SYT16: variants seen among roughly 807,000 people sequenced by gnomAD.
The protein encoded by SYT16 is synaptotagmin 16.
A neutral mutation model predicts 61.4 loss-of-function variants in SYT16; 42 were observed. That is an observed-to-expected ratio of 0.68 (90% CI 0.53 to 0.89). The LOEUF (loss-of-function observed/expected upper bound fraction) is 0.89. Ranked by LOEUF, SYT16 falls within the 40% of genes least tolerant of loss-of-function variation. SYT16 has a pLI of 0.00. For synonymous variants in SYT16, 314 were observed against 302.3 expected (o/e 1.04, Z -0.40); for missense variants, 804 against 807.3 (o/e 1.00, Z 0.05).
rs927142323 is a variant in SYT16 at position 62,015,455 on chromosome 14, G to A, written c.523+18913G>A. On this transcript the variant is annotated intron_variant, in intron 3 of 7. Coordinates refer to ENST00000683842, the MANE Select transcript of SYT16 (RefSeq NM_001367656.1). ...GTTCTTAACATTTTTGACAGTCTGTGTTTGCCTTATGAAGACATTTGCCTT... is the reference window on the plus strand; with the variant it reads ...GTTCTTAACATTTTTGACAGTCTGTATTTGCCTTATGAAGACATTTGCCTT... 2.0e-4 allele frequency among the ~76,000 whole-genome samples: 13 copies of A among 66,112 alleles called. 1 individual carries two copies. Among genetic ancestry groups the A allele is most frequent in the Non-Finnish European group, 3.3e-4 (11 of 33,746 alleles). 43.4% of individuals were successfully genotyped at this position (66,112 alleles called of 152,430 possible).
At chr14:62,075,604 T>TAAA (rs376818967) in intron 5 of SYT16, among the ~76,000 whole-genome samples, 12 of 61,382 alleles carry the variant, frequency 2.0e-4, no homozygotes, top group African/African-American at 4.4e-4. Context: ...GGATGAACGG[T>TAAA]AAAAAAAAAA....
rs1373892607 is a variant in SYT16, at chr14:61,995,963, A to G, written c.-57A>G. ...ATGCTTATTCTATAGTTCACATTCA[A>G]TCCAGAGCACTGAAGGAACTGAACA... is the stretch of plus-strand genomic sequence containing the variant. On this transcript the variant is annotated 5_prime_UTR_variant, in exon 3 of 8. Coordinates refer to ENST00000683842, the MANE Select transcript of SYT16 (RefSeq NM_001367656.1). 2.7e-6 allele frequency: 4 copies of G among 1,492,982 alleles called. No individual in the cohort carries two copies. Among genetic ancestry groups the G allele is most frequent in the South Asian group, 1.4e-5 (1 of 73,406 alleles). The allele number at this position is 1,492,982 out of a possible 1,614,324, so 92.5% of individuals were successfully genotyped here. A position where few individuals can be genotyped will look rare whatever the true frequency, so the allele number is the denominator to read the frequency against.
chr14:61,976,924 T>C (rs1279608236), intron 2 of SYT16, among the ~76,000 whole-genome samples: 1 of 152,206 alleles, frequency 6.6e-6, no homozygotes, highest in South Asian at 2.1e-4. Context: ...GCTCATGCTC[T>C]GCTTTCCTTT....
At chr14:61,989,596 T>C (rs1043439476) in intron 2 of SYT16, among the ~76,000 whole-genome samples, 3 of 151,980 alleles carry the variant, frequency 2.0e-5, no homozygotes, top group African/African-American at 7.3e-5. Flanking sequence ...AACAAAAAAT[T>C]GTCTAATTTG....
At position 61,953,684 on chromosome 14, in the gene SYT16, G is replaced by T. The variant is rs182005853; in HGVS notation, c.-324-16448G>T. Among the ~76,000 whole-genome samples, 188 of 152,304 alleles carry T rather than the reference G, an allele frequency of 1.2e-3. 2 individuals are homozygous for T. Among genetic ancestry groups the T allele is most frequent in the African/African-American group, 4.4e-3 (184 of 41,562 alleles). On this transcript the variant is annotated intron_variant, in intron 1 of 7. Coordinates refer to ENST00000683842, the MANE Select transcript of SYT16 (RefSeq NM_001367656.1). ...AACATCTCCTTGTTTTGCAAAAGCT[G>T]CTGATACCTAATGCTATACCTTTGA...
intron 1 of SYT16, among the ~76,000 whole-genome samples, chr14:61,872,053 T>C (rs2047348039): frequency 6.6e-6 from 1 of 152,188 alleles, no homozygotes; most frequent in South Asian, 2.1e-4. Context: ...AAATATGAAG[T>C]ATTCAATAAA....
At position 61,812,740 on chromosome 14, in the gene SYT16, G is replaced by A. The variant is rs1282242472; in HGVS notation, c.-395G>A. ...CCTGCCGAGGAGCGCGCGCCCGGCC[G>A]GGCTCGGCGCCGGTTTCCCGAACCT... On this transcript the variant is annotated 5_prime_UTR_variant, in exon 1 of 8. Coordinates refer to ENST00000683842, the MANE Select transcript of SYT16 (RefSeq NM_001367656.1). 5 of 149,880 alleles carry A rather than the reference G, an allele frequency of 3.3e-5. No homozygotes were observed. Among genetic ancestry groups the A allele is most frequent in the Admixed American group, 2.7e-4 (4 of 15,038 alleles). The allele number at this position is 149,880 out of a possible 1,614,324, so 9.3% of individuals were successfully genotyped here. A position where few individuals can be genotyped will look rare whatever the true frequency, so the allele number is the denominator to read the frequency against.
Position 62,069,773 on chromosome 14 carries a change from T to G in SYT16, c.694T>G (p.Leu232Val), listed in dbSNP as rs1473704922. The change falls in exon 4 of 8, where the codon TTG becomes GTG. Residue 232 changes from leucine (L) to valine (V), a missense_variant. Coordinates refer to ENST00000683842, the MANE Select transcript of SYT16 (RefSeq NM_001367656.1). ...EQKPKFSRSL[L>V]THGEDGTEVS... ...GAAACCAAAATTCAGCCGTTCGTTGTTGACACACGGAGAAGATGGCACAGA... is the reference window on the plus strand; with the variant it reads ...GAAACCAAAATTCAGCCGTTCGTTGGTGACACACGGAGAAGATGGCACAGA... 1 of 1,613,910 alleles carries G rather than the reference T, an allele frequency of 6.2e-7. No individual in the cohort carries two copies. The highest frequency in any genetic ancestry group is 8.5e-7 in the Non-Finnish European group (1 of 1,179,888).
chr14:62,100,787 G>T lies in SYT16; in HGVS notation c.*80G>T. On this transcript the variant is annotated 3_prime_UTR_variant, in exon 8 of 8. Transcript: ENST00000683842. Reference sequence around the variant, plus strand: ...CTACTGACACTAAGTGTCCTGGCAAGGGTTTCAGGGTTTCAAAAACAGATT... The same window carrying T: ...CTACTGACACTAAGTGTCCTGGCAATGGTTTCAGGGTTTCAAAAACAGATT... 7.0e-7 allele frequency: 1 copy of T among 1,418,792 alleles called. No homozygotes were observed. The allele number at this position is 1,418,792 out of a possible 1,614,324, so 87.9% of individuals were successfully genotyped here. A position where few individuals can be genotyped will look rare whatever the true frequency, so the allele number is the denominator to read the frequency against.
intron 1 of SYT16, among the ~76,000 whole-genome samples, chr14:61,902,551 G>T (rs187978872): frequency 6.6e-6 from 1 of 152,286 alleles, no homozygotes. Context: ...TAAAGCAATA[G>T]CAATTTATTT....
At chr14:61,945,428 A>G (rs1421126850) in intron 1 of SYT16, among the ~76,000 whole-genome samples, 1 of 152,250 alleles carries the variant, frequency 6.6e-6, no homozygotes, top group Non-Finnish European at 1.5e-5. Context: ...ATAAAGACAC[A>G]TGCATACATA....
intron 1 of SYT16, among the ~76,000 whole-genome samples, chr14:61,925,375 A>C (rs533732405): frequency 6.6e-6 from 1 of 152,194 alleles, no homozygotes; most frequent in African/African-American, 2.4e-5. Context: ...CTGTAGAGGA[A>C]AATCTTGGCA....
intron 1 of SYT16, among the ~76,000 whole-genome samples, chr14:61,938,995 C>T (rs917115061): frequency 1.3e-5 from 2 of 152,084 alleles, no homozygotes; most frequent in African/African-American, 2.4e-5. Context: ...ATTAGCTGGG[C>T]ATGGTGGCGG....
intron 4 of SYT16, among the ~76,000 whole-genome samples, chr14:62,074,437 G>GTT (rs2056409781): frequency 6.6e-6 from 1 of 152,174 alleles, no homozygotes; most frequent in Non-Finnish European, 1.5e-5. Context: ...GGAAAATGGG[G>GTT]TTGGATGGGT....
intron 3 of SYT16, among the ~76,000 whole-genome samples, chr14:62,041,947 CTG>C (rs2054748706): frequency 6.6e-6 from 1 of 152,112 alleles, no homozygotes; most frequent in African/African-American, 2.4e-5. Flanking sequence ...GTATATTTTA[CTG>C]TGTTTAATTT....
chr14:61,912,335 C>G (rs908840015), intron 1 of SYT16, among the ~76,000 whole-genome samples: 1 of 152,206 alleles, frequency 6.6e-6, no homozygotes, highest in Admixed American at 6.5e-5. Flanking sequence ...TTGCTTACTG[C>G]TGTCACTCTG....
intron 1 of SYT16, among the ~76,000 whole-genome samples, chr14:61,819,436 T>A (rs555425246): frequency 5.3e-5 from 8 of 152,196 alleles, no homozygotes; most frequent in Non-Finnish European, 1.0e-4. Context: ...ATTATACATA[T>A]CTGATTTTAG....
At chr14:61,904,269 T>C (rs217656) in intron 1 of SYT16, among the ~76,000 whole-genome samples, 138,480 of 152,282 alleles carry the variant, frequency 0.91, 63,099 homozygotes, top group East Asian at 0.98. Context: ...CAAAATTTGC[T>C]TTGTTTGCTT....
intron 1 of SYT16, among the ~76,000 whole-genome samples, chr14:61,906,203 G>A (rs1438473543): frequency 6.6e-6 from 1 of 152,260 alleles, no homozygotes; most frequent in Non-Finnish European, 1.5e-5. Flanking sequence ...GAGAAAGGGA[G>A]AGGGCTGTGT....
Sources: gnomAD v4.1 joint callset for allele counts (sites outside exome capture counted in the v4.1 genomes callset) on GRCh38, gnomAD v4.1.1 for gene constraint, MANE v1.5 for transcripts, NCBI Gene and HGNC (gene_info 2026-07-23, HGNC 2026-07-21) for gene names.